RAP1GDS1: variants seen among roughly 807,000 people sequenced by gnomAD.
RAP1GDS1 encodes the protein RAP1, GTP-GDP dissociation stimulator 1.
A neutral mutation model predicts 71.1 loss-of-function variants in RAP1GDS1; 35 were observed. That is an observed-to-expected ratio of 0.49 (90% CI 0.38 to 0.65). The LOEUF (loss-of-function observed/expected upper bound fraction) is 0.65. Among genes scored for constraint, RAP1GDS1 ranks in the 30% least tolerant of loss-of-function variants. The probability of loss-of-function intolerance (pLI) is 0.00; values close to 1 mark genes in which losing one functional copy is unlikely to be tolerated. For missense variants in RAP1GDS1, 663 were observed against 706.1 expected, an observed-to-expected ratio of 0.94 and a Z score of 0.69; for synonymous variants, 229 against 243.1, an observed-to-expected ratio of 0.94 and a Z score of 0.54.
chr4:98,380,161 G>C (rs183338598), intron 5 of RAP1GDS1, among the ~76,000 whole-genome samples: 1 of 151,442 alleles, frequency 6.6e-6, no homozygotes, highest in East Asian at 1.9e-4. Flanking sequence ...AACAGTGAAT[G>C]GTGGGGACTG....
At chr4:98,330,743 G>A (rs142638824) in intron 2 of RAP1GDS1, among the ~76,000 whole-genome samples, 9,618 of 150,938 alleles carry the variant, frequency 0.064, 382 homozygotes, top group Admixed American at 0.13. Flanking sequence ...GACGATGGGC[G>A]GCCAGGCAGA....
At chr4:98,361,169 A>G (rs569069907) in intron 4 of RAP1GDS1, among the ~76,000 whole-genome samples, 65 of 151,886 alleles carry the variant, frequency 4.3e-4, no homozygotes, top group Non-Finnish European at 5.0e-4. Flanking sequence ...ATCAGTTCAG[A>G]TTAAATTCTA....
chr4:98,345,567 G>GC (rs1736109472), intron 3 of RAP1GDS1, among the ~76,000 whole-genome samples: 1 of 152,066 alleles, frequency 6.6e-6, no homozygotes, highest in African/African-American at 2.4e-5. Flanking sequence ...GGACAAATAA[G>GC]ATATGACATA....
chr4:98,269,158 C>T (rs1396583147), intron 1 of RAP1GDS1, among the ~76,000 whole-genome samples: 2 of 83,540 alleles, frequency 2.4e-5, no homozygotes, highest in Non-Finnish European at 4.4e-5. Context: ...CAAGAATTTA[C>T]AGTCAATTGA....
At chr4:98,375,072 GAGA>G (rs1246910715) in intron 4 of RAP1GDS1, among the ~76,000 whole-genome samples, 2 of 151,774 alleles carry the variant, frequency 1.3e-5, no homozygotes, top group African/African-American at 2.4e-5. Flanking sequence ...CTTAAAATAA[GAGA>G]AGTTTATTGT....
At chr4:98,300,900 T>C (rs758569449) in intron 2 of RAP1GDS1, among the ~76,000 whole-genome samples, 7 of 152,220 alleles carry the variant, frequency 4.6e-5, no homozygotes, top group Admixed American at 1.3e-4. Flanking sequence ...TAAAAACTTT[T>C]GTTGTCATTT....
At chr4:98,411,099 A>G (rs1747001388) in intron 7 of RAP1GDS1, among the ~76,000 whole-genome samples, 1 of 152,214 alleles carries the variant, frequency 6.6e-6, no homozygotes, top group African/African-American at 2.4e-5. Context: ...TATATGATGC[A>G]TACATGATAC....
At chr4:98,344,559 C>T (rs2110400850) in intron 3 of RAP1GDS1, among the ~76,000 whole-genome samples, 1 of 152,222 alleles carries the variant, frequency 6.6e-6, no homozygotes, top group South Asian at 2.1e-4. Flanking sequence ...TAATATTCCT[C>T]ATAATGCTCT....
chr4:98,393,760 A>G (rs1744091168), intron 6 of RAP1GDS1, among the ~76,000 whole-genome samples: 2 of 152,216 alleles, frequency 1.3e-5, no homozygotes, highest in African/African-American at 2.4e-5. Flanking sequence ...AAAATACACA[A>G]TCGATTTCAA....
At chr4:98,282,455 ATCC>A (rs1393348308) in intron 1 of RAP1GDS1, among the ~76,000 whole-genome samples, 1 of 151,770 alleles carries the variant, frequency 6.6e-6, no homozygotes, top group African/African-American at 2.4e-5. Flanking sequence ...CGGTGGTGAT[ATCC>A]TCTTTATCAT....
chr4:98,412,399 C>T (rs1188831261), intron 7 of RAP1GDS1, among the ~76,000 whole-genome samples: 1 of 152,088 alleles, frequency 6.6e-6, no homozygotes, highest in Non-Finnish European at 1.5e-5. Flanking sequence ...CTTTTAGTCC[C>T]AGCTACTCAG....
At chr4:98,266,084 A>G (rs935735118) in intron 1 of RAP1GDS1, among the ~76,000 whole-genome samples, 6 of 152,130 alleles carry the variant, frequency 3.9e-5, no homozygotes, top group African/African-American at 1.4e-4. Context: ...ATTTTAGAAA[A>G]TATTTTAAAA....
chr4:98,353,636 C>T (rs1737530816), intron 4 of RAP1GDS1, among the ~76,000 whole-genome samples: 2 of 152,130 alleles, frequency 1.3e-5, no homozygotes, highest in African/African-American at 2.4e-5. Flanking sequence ...ATAGGAGCTA[C>T]AATAGCCATA....
chr4:98,338,365 T>G (rs1339293106), intron 2 of RAP1GDS1, among the ~76,000 whole-genome samples: 1 of 152,174 alleles, frequency 6.6e-6, no homozygotes, highest in Non-Finnish European at 1.5e-5. Flanking sequence ...TTGTTTTCTG[T>G]TGCATAAAAG....
At chr4:98,290,857 A>G (rs1295786562) in intron 1 of RAP1GDS1, among the ~76,000 whole-genome samples, 1 of 152,132 alleles carries the variant, frequency 6.6e-6, no homozygotes, top group African/African-American at 2.4e-5. Context: ...ACAGAAGGAA[A>G]GAGCATACCA....
chr4:98,373,300 G>C (rs528566629), intron 4 of RAP1GDS1, among the ~76,000 whole-genome samples: 80 of 152,156 alleles, frequency 5.3e-4, no homozygotes, highest in African/African-American at 1.9e-3. Flanking sequence ...TTTTTGATGA[G>C]AAGTCTGCTT....
chr4:98,283,234 T>A (rs928636851), intron 1 of RAP1GDS1, among the ~76,000 whole-genome samples: 3 of 152,220 alleles, frequency 2.0e-5, no homozygotes, highest in African/African-American at 7.2e-5. Flanking sequence ...GATTTGTTTT[T>A]AATATTATAA....
chr4:98,272,171 G>A (rs1264761367), intron 1 of RAP1GDS1, among the ~76,000 whole-genome samples: 5 of 152,128 alleles, frequency 3.3e-5, no homozygotes, highest in Admixed American at 6.5e-5. Flanking sequence ...CTACATATTG[G>A]GTTAGTGTGT....
chr4:98,295,117 A>G (rs560640333), intron 2 of RAP1GDS1, among the ~76,000 whole-genome samples: 1 of 152,198 alleles, frequency 6.6e-6, no homozygotes, highest in Admixed American at 6.5e-5. Context: ...AAGGGAGTAA[A>G]AAGTGTATAG....
Sources: gnomAD v4.1 joint callset for allele counts (sites outside exome capture counted in the v4.1 genomes callset) on GRCh38, gnomAD v4.1.1 for gene constraint, MANE v1.5 for transcripts, NCBI Gene and HGNC (gene_info 2026-07-23, HGNC 2026-07-21) for gene names.